OPCML: variants seen among roughly 807,000 people sequenced by gnomAD.
OPCML encodes opioid binding protein/cell adhesion molecule like.
A neutral mutation model predicts 37.8 loss-of-function variants in OPCML; 13 were observed. The observed-to-expected ratio is 0.34, with a 90% CI of 0.22 to 0.55. The LOEUF (loss-of-function observed/expected upper bound fraction) is 0.55. Ranked by LOEUF, OPCML falls within the 20% of genes least tolerant of loss-of-function variation. OPCML has a pLI of 0.91. For missense variants in OPCML, 341 were observed against 435.6 expected, an observed-to-expected ratio of 0.78 and a Z score of 1.93; for synonymous variants, 176 against 168.8, an observed-to-expected ratio of 1.04 and a Z score of -0.33.
chr11:132,817,169 T>C lies in OPCML; in HGVS notation c.146+125757A>G, dbSNP rs574265157. On this transcript the variant is annotated intron_variant, in intron 2 of 7. Transcript: ENST00000524381. ...ATGATTGATCTGTGGCTTGATGTGA[T>C]GGTTGAGGCTTTCATATTCAATCTT... The C allele has an allele frequency of 8.5e-5, 13 of 152,450 alleles. No individual in the cohort carries two copies. The East Asian group carries it at 2.5e-3, about 29-fold the overall frequency. The allele number at this position is 152,450 out of a possible 1,614,324, so 9.4% of individuals were successfully genotyped here.
intron 1 of OPCML, among the ~76,000 whole-genome samples, chr11:132,981,112 C>T (rs1346116588): frequency 6.6e-6 from 1 of 152,214 alleles, no homozygotes; most frequent in Non-Finnish European, 1.5e-5. Flanking sequence ...ATCACATACA[C>T]AGTTCATCAT....
At chr11:132,818,636 AGATAT>A (rs1002804997) in intron 2 of OPCML, among the ~76,000 whole-genome samples, 3 of 122,810 alleles carry the variant, frequency 2.4e-5, no homozygotes, top group South Asian at 2.9e-4. Context: ...ACACATAGAT[AGATAT>A]GAGTGTATAT....
At chr11:132,676,663 C>A (rs1942714953) in intron 2 of OPCML, among the ~76,000 whole-genome samples, 1 of 149,218 alleles carries the variant, frequency 6.7e-6, no homozygotes, top group Non-Finnish European at 1.5e-5. Flanking sequence ...TATAAATGGC[C>A]AATAAGCACA....
chr11:133,331,026 T>G (rs1418137639), intron 1 of OPCML, among the ~76,000 whole-genome samples: 1 of 152,208 alleles, frequency 6.6e-6, no homozygotes, highest in African/African-American at 2.4e-5. Flanking sequence ...AGGGTGTCCC[T>G]CTATCTGCTT....
At chr11:133,417,949 A>G (rs1402030393) in intron 1 of OPCML, among the ~76,000 whole-genome samples, 1 of 152,162 alleles carries the variant, frequency 6.6e-6, no homozygotes, top group Admixed American at 6.5e-5. Flanking sequence ...TAGGAAAAAA[A>G]AACAGAAAAG....
In OPCML at chr11:133,116,805, C is replaced by CATACATATATATATATATATATAT. The variant is rs1280351007; in HGVS notation, c.62-173796_62-173795insATATATATATATATATATATGTAT. ...TGTGGGAAGATATTTTAAAACTATACATATATATATATGTATGTATCTTGT... is the reference window on the plus strand; with the variant it reads ...TGTGGGAAGATATTTTAAAACTATACATACATATATATATATATATATATATATATATATATGTATGTATCTTGT... On this transcript the variant is annotated intron_variant, in intron 1 of 7. Transcript: ENST00000524381. Among the ~76,000 whole-genome samples the CATACATATATATATATATATATAT allele has an allele frequency of 6.1e-3, 885 of 144,042 alleles. 12 individuals carry two copies. The highest frequency in any genetic ancestry group is 9.9e-3 in the East Asian group (47 of 4,764). The allele number at this position is 144,042 out of a possible 152,430, so 94.5% of individuals were successfully genotyped here.
chr11:132,556,413 T>A (rs7103882), intron 3 of OPCML, among the ~76,000 whole-genome samples: 53,896 of 152,002 alleles, frequency 0.35, 10,475 homozygotes, highest in Non-Finnish European at 0.44. Context: ...AATTATGGAA[T>A]CATAAAATTT....
chr11:133,219,749 C>T (rs570972006), intron 1 of OPCML, among the ~76,000 whole-genome samples: 1 of 152,184 alleles, frequency 6.6e-6, no homozygotes, highest in African/African-American at 2.4e-5. Flanking sequence ...AACTGTGCCC[C>T]CTGGAGGACA....
chr11:133,326,787 G>A (rs557272702), intron 1 of OPCML, among the ~76,000 whole-genome samples: 1 of 142,134 alleles, frequency 7.0e-6, no homozygotes, highest in East Asian at 2.2e-4. Flanking sequence ...TGTGGATGTG[G>A]ATGTGGGGTG....
chr11:133,433,534 C>T (rs1946170319), intron 1 of OPCML, among the ~76,000 whole-genome samples: 1 of 152,102 alleles, frequency 6.6e-6, no homozygotes, highest in African/African-American at 2.4e-5. Context: ...AAAGTGCATT[C>T]CTTCAGTGAG....
intron 1 of OPCML, among the ~76,000 whole-genome samples, chr11:133,155,184 A>G (rs969440306): frequency 6.6e-6 from 1 of 152,186 alleles, no homozygotes; most frequent in African/African-American, 2.4e-5. Context: ...ACTTGCCTCC[A>G]TCCCTGCTTT....
At chr11:133,527,182 G>C (rs562894486) in intron 1 of OPCML, among the ~76,000 whole-genome samples, 1 of 152,330 alleles carries the variant, frequency 6.6e-6, no homozygotes, top group East Asian at 1.9e-4. Context: ...GGGGCTCCTG[G>C]AGTTCCAGCT....
At chr11:132,980,565 G>A (rs1008114107) in intron 1 of OPCML, among the ~76,000 whole-genome samples, 1 of 152,164 alleles carries the variant, frequency 6.6e-6, no homozygotes, top group Non-Finnish European at 1.5e-5. Context: ...GTAATGAAGT[G>A]TTAGCAAGGA....
chr11:133,377,612 G>GAAAAAAAAAAAAAAAAAAAAAAAAAAAA lies in OPCML; in HGVS notation c.61+154651_61+154652insTTTTTTTTTTTTTTTTTTTTTTTTTTTT, dbSNP rs71477791. Among the ~76,000 whole-genome samples, 60 of 79,050 alleles carry GAAAAAAAAAAAAAAAAAAAAAAAAAAAA rather than the reference G, an allele frequency of 7.6e-4. 9 individuals carry two copies. Among genetic ancestry groups the GAAAAAAAAAAAAAAAAAAAAAAAAAAAA allele is most frequent in the East Asian group, 2.7e-3 (6 of 2,198 alleles). The allele number at this position is 79,050 out of a possible 152,430, so 51.9% of individuals were successfully genotyped here. ...GCTCTCTCTGACGTGCCAGTATTCA[G>GAAAAAAAAAAAAAAAAAAAAAAAAAAAA]AAAAAAAAAAAAAAAGAGCACCAAG... is the stretch of plus-strand genomic sequence containing the variant. On this transcript the variant is annotated intron_variant, in intron 1 of 7. Coordinates refer to ENST00000524381, the MANE Select transcript of OPCML (RefSeq NM_001012393.5).
chr11:133,429,426 T>C (rs1361440944), intron 1 of OPCML, among the ~76,000 whole-genome samples: 2 of 152,204 alleles, frequency 1.3e-5, no homozygotes, highest in African/African-American at 4.8e-5. Context: ...CCAAGTGAGA[T>C]GGTAAGCCAT....
At chr11:132,696,089 G>T (rs752757542) in intron 2 of OPCML, among the ~76,000 whole-genome samples, 9 of 152,092 alleles carry the variant, frequency 5.9e-5, no homozygotes, top group East Asian at 1.9e-4. Flanking sequence ...AGAACAAATG[G>T]TTTCTTTTAA....
At chr11:133,469,482 A>T (rs963730795) in intron 1 of OPCML, among the ~76,000 whole-genome samples, 3 of 152,210 alleles carry the variant, frequency 2.0e-5, no homozygotes, top group Non-Finnish European at 4.4e-5. Flanking sequence ...GCTGTCATAC[A>T]AAAGCTTCTT....
chr11:132,491,203 G>C (rs186625360), intron 4 of OPCML, among the ~76,000 whole-genome samples: 1 of 152,166 alleles, frequency 6.6e-6, no homozygotes, highest in Non-Finnish European at 1.5e-5. Context: ...TGCTCATCAC[G>C]GGCCCTGGAG....
intron 1 of OPCML, among the ~76,000 whole-genome samples, chr11:133,244,864 A>G (rs1940864484): frequency 6.6e-6 from 1 of 152,172 alleles, no homozygotes; most frequent in Non-Finnish European, 1.5e-5. Flanking sequence ...CCCAGTCTGA[A>G]GTAGTTCTTT....
Sources: gnomAD v4.1 joint callset for allele counts (sites outside exome capture counted in the v4.1 genomes callset) on GRCh38, gnomAD v4.1.1 for gene constraint, MANE v1.5 for transcripts, NCBI Gene and HGNC (gene_info 2026-07-23, HGNC 2026-07-21) for gene names.